Variants in SETBP1 observed in about 807,000 individuals in gnomAD.
SETBP1 encodes SET binding protein 1, also known as SET-binding protein.
A neutral mutation model predicts 101.0 loss-of-function variants in SETBP1; 9 were observed. The observed-to-expected ratio is 0.09, with a 90% CI of 0.05 to 0.16. The LOEUF (loss-of-function observed/expected upper bound fraction) is 0.16. Ranked by LOEUF, SETBP1 falls within the 10% of genes least tolerant of loss-of-function variation. SETBP1 has a pLI of 1.00. For missense variants in SETBP1, 1,858 were observed against 2,033.8 expected, an observed-to-expected ratio of 0.91 and a Z score of 1.66; for synonymous variants, 818 against 788.5, an observed-to-expected ratio of 1.04 and a Z score of -0.63.
At position 44,740,415 on chromosome 18, in the gene SETBP1, C is replaced by G. The variant is rs183057238; in HGVS notation, c.486+38583C>G. 4.5e-4 allele frequency among the ~76,000 whole-genome samples: 68 copies of G among 152,332 alleles called. 1 individual carries two copies. The East Asian group carries it at 0.011, about 25-fold the overall frequency. ...ACACTTGTGATCAGTTATTTCCTTT[C>G]TTCATGTTCGGAATAGGAATAATGA... On this transcript the variant is annotated intron_variant, in intron 2 of 5. Coordinates refer to ENST00000649279, the MANE Select transcript of SETBP1 (RefSeq NM_015559.3).
Position 44,993,763 on chromosome 18 carries a change from T to C in SETBP1, c.4000+40423T>C, listed in dbSNP as rs373147100. 5.1e-4 allele frequency among the ~76,000 whole-genome samples: 78 copies of C among 152,140 alleles called. 1 individual carries two copies. In the South Asian group the frequency reaches 0.016, roughly 31 times the overall value. On this transcript the variant is annotated intron_variant, in intron 4 of 5. Coordinates refer to ENST00000649279, the MANE Select transcript of SETBP1 (RefSeq NM_015559.3). The stretch of plus-strand genomic sequence containing the variant: ...TTTGGAACATTGTAAGATAATTCTA[T>C]ACTCAATATAAAAAGCCTACATGAA...
intron 2 of SETBP1, among the ~76,000 whole-genome samples, chr18:44,844,730 G>A (rs1049684401): frequency 6.6e-6 from 1 of 152,088 alleles, no homozygotes; most frequent in African/African-American, 2.4e-5. Context: ...AAGGCGGCAT[G>A]TGCTAAGTGC....
At position 44,790,324 on chromosome 18, in the gene SETBP1, G is replaced by A. The variant is rs140365094; in HGVS notation, c.487-78906G>A. Among the ~76,000 whole-genome samples the A allele has an allele frequency of 3.4e-3, 511 of 152,210 alleles. 5 individuals carry two copies. Among genetic ancestry groups the A allele is most frequent in the African/African-American group, 0.012 (492 of 41,536 alleles). Reference sequence around the variant, plus strand: ...CTGCTGGGTACCTTGAAAGATAAAAGGCAACTCTAAGATACTGCTTCCAAA... The same window carrying A: ...CTGCTGGGTACCTTGAAAGATAAAAAGCAACTCTAAGATACTGCTTCCAAA... On this transcript the variant is annotated intron_variant, in intron 2 of 5. Transcript: ENST00000649279.
Position 44,868,733 on chromosome 18 carries a change from A to C in SETBP1, c.487-497A>C, listed in dbSNP as rs1465531587. 1.6e-3 allele frequency among the ~76,000 whole-genome samples: 92 copies of C among 57,060 alleles called. 4 individuals carry two copies. The highest frequency in any genetic ancestry group is 0.011 in the East Asian group (24 of 2,268). 37.4% of individuals were successfully genotyped at this position (57,060 alleles called of 152,430 possible). A position where few individuals can be genotyped will look rare whatever the true frequency, so the allele number is the denominator to read the frequency against. ...AAGGGAGGAAGGAAGGAAGGAAGGAAGGAAGGAAGGAAGGAAGGAAGGAAG... is the reference window on the plus strand; with the variant it reads ...AAGGGAGGAAGGAAGGAAGGAAGGACGGAAGGAAGGAAGGAAGGAAGGAAG... On this transcript the variant is annotated intron_variant, in intron 2 of 5. Coordinates refer to ENST00000649279, the MANE Select transcript of SETBP1 (RefSeq NM_015559.3).
intron 3 of SETBP1, chr18:44,869,782 C>A: frequency 4.3e-6 from 1 of 233,144 alleles, no homozygotes; most frequent in South Asian, 6.5e-5. Flanking sequence ...ACTGTTATCT[C>A]TGGCCAGAGT....
intron 5 of SETBP1, among the ~76,000 whole-genome samples, chr18:45,040,185 G>C (rs974890805): frequency 6.6e-6 from 1 of 152,154 alleles, no homozygotes; most frequent in Non-Finnish European, 1.5e-5. Flanking sequence ...ATATGATCAT[G>C]AGCCTTCACT....
chr18:44,895,847 CT>C (rs988052916), intron 3 of SETBP1, among the ~76,000 whole-genome samples: 4 of 152,078 alleles, frequency 2.6e-5, no homozygotes, highest in Non-Finnish European at 5.9e-5. Context: ...AAAAATGACA[CT>C]TTTTTTGCAT....
chr18:44,898,233 A>G (rs983771031), intron 3 of SETBP1, among the ~76,000 whole-genome samples: 1 of 152,158 alleles, frequency 6.6e-6, no homozygotes, highest in African/African-American at 2.4e-5. Context: ...ATAACTCATG[A>G]CCTTTAAATT....
In SETBP1 at chr18:45,038,621, T is replaced by G; in HGVS notation, c.4137T>G (p.Ser1379=). 1 of 1,614,136 alleles carries G rather than the reference T, an allele frequency of 6.2e-7. No homozygotes were observed. Among genetic ancestry groups the G allele is most frequent in the Non-Finnish European group, 8.5e-7 (1 of 1,180,004 alleles). Residue 1379 remains serine, a synonymous_variant, in exon 5 of 6, where the codon TCT becomes TCG. Transcript: ENST00000649279. ...SVTIPPAPVL[S]LLAASAATSD... Reference sequence around the variant, plus strand: ...CAATTCCACCAGCCCCAGTGTTATCTCTCCTTGCTGCATCTGCAGCAACGT... The same window carrying G: ...CAATTCCACCAGCCCCAGTGTTATCGCTCCTTGCTGCATCTGCAGCAACGT...
chr18:44,746,634 ATTTAAT>A (rs1204668647), intron 2 of SETBP1, among the ~76,000 whole-genome samples: 2 of 152,222 alleles, frequency 1.3e-5, no homozygotes, highest in African/African-American at 4.8e-5. Context: ...CATGCAAGGC[ATTTAAT>A]AGATGTTTGA....
chr18:44,968,337 A>G (rs907222672), intron 4 of SETBP1, among the ~76,000 whole-genome samples: 12 of 152,234 alleles, frequency 7.9e-5, no homozygotes, highest in Admixed American at 2.0e-4. Context: ...TTTATAGTCT[A>G]TTAGTAGATG....
chr18:45,025,408 G>A (rs1474959210), intron 4 of SETBP1, among the ~76,000 whole-genome samples: 1 of 152,148 alleles, frequency 6.6e-6, no homozygotes, highest in African/African-American at 2.4e-5. Context: ...ATTGCTAAGA[G>A]ATTTCAAAGA....
At chr18:45,043,573 T>A (rs1370569479) in intron 5 of SETBP1, among the ~76,000 whole-genome samples, 2 of 152,236 alleles carry the variant, frequency 1.3e-5, no homozygotes, top group Non-Finnish European at 2.9e-5. Flanking sequence ...TCAAGGCTAA[T>A]CCATTATTAT....
At chr18:44,932,912 G>A (rs2070870321) in intron 3 of SETBP1, among the ~76,000 whole-genome samples, 1 of 152,166 alleles carries the variant, frequency 6.6e-6, no homozygotes, top group South Asian at 2.1e-4. Flanking sequence ...GCTCAGAGAA[G>A]TTTGTTATTA....
At chr18:44,771,510 T>C (rs2070872167) in intron 2 of SETBP1, among the ~76,000 whole-genome samples, 1 of 152,018 alleles carries the variant, frequency 6.6e-6, no homozygotes, top group Non-Finnish European at 1.5e-5. Flanking sequence ...CATCCAGTGA[T>C]TTCTCTTTAA....
chr18:44,858,651 A>G (rs1187363687), intron 2 of SETBP1, among the ~76,000 whole-genome samples: 1 of 152,052 alleles, frequency 6.6e-6, no homozygotes. Context: ...CTCTTTGGTG[A>G]AGATAGTTGT....
chr18:44,942,945 AAT>A (rs767450535), intron 3 of SETBP1, among the ~76,000 whole-genome samples: 6 of 152,200 alleles, frequency 3.9e-5, no homozygotes, highest in Non-Finnish European at 8.8e-5. Context: ...AGGGTGACAG[AAT>A]ATGAGGATGG....
intron 2 of SETBP1, among the ~76,000 whole-genome samples, chr18:44,804,568 G>A (rs1363408579): frequency 1.3e-5 from 2 of 152,000 alleles, no homozygotes; most frequent in Non-Finnish European, 2.9e-5. Flanking sequence ...CCTTTTAATG[G>A]GTACCTTAAA....
rs2073916265 is a variant in SETBP1 at position 45,063,220 on chromosome 18, G to A, written c.4313G>A (p.Arg1438Gln). The A allele has an allele frequency of 1.2e-6, 2 of 1,613,818 alleles. No individual in the cohort carries two copies. The highest frequency in any genetic ancestry group is 1.3e-5 in the African/African-American group (1 of 74,866). ...DHVNKILKAK[R>Q]LQRQSKTGNN... ...GTGAACAAGATCCTGAAGGCCAAGC[G>A]GCTGCAGAGACAATCAAAAACAGGC... Residue 1438 changes from arginine to glutamine, a missense_variant, in exon 6 of 6, where the codon CGG becomes CAG. Around this residue, in one of 12 missense-constraint regions of SETBP1, gnomAD observed 26 missense variants for 56.3 expected, o/e 0.46. Coordinates refer to ENST00000649279, the MANE Select transcript of SETBP1 (RefSeq NM_015559.3).
Sources: allele counts gnomAD v4.1 joint callset (sites outside exome capture counted in the v4.1 genomes callset), GRCh38; gene constraint gnomAD v4.1.1; regional missense constraint gnomAD v4.1.1; transcripts MANE v1.5; gene names NCBI Gene and HGNC (gene_info 2026-07-23, HGNC 2026-07-21).